Variants in GFPT2 observed in about 807,000 individuals in gnomAD.
The protein encoded by GFPT2 is glutamine--fructose-6-phosphate aminotransferase [isomerizing] 2.
GFPT2 carries 62 observed loss-of-function variants against 85.6 expected under a neutral mutation model. The ratio of observed to expected loss-of-function variants is 0.72; its 90% CI spans 0.59 to 0.90. The LOEUF (loss-of-function observed/expected upper bound fraction) is 0.90. Ranked by LOEUF, GFPT2 falls within the 40% of genes least tolerant of loss-of-function variation. The pLI, the probability that GFPT2 is intolerant of heterozygous loss-of-function variation, is 0.00. For synonymous variants in GFPT2, 368 were observed against 344.5 expected (o/e 1.07, Z -0.75); for missense variants, 788 against 893.4 (o/e 0.88, Z 1.50).
intron 1 of GFPT2, chr5:180,352,290 G>C (rs2127659678): frequency 2.5e-6 from 1 of 394,124 alleles, no homozygotes; most frequent in African/African-American, 2.2e-5. Context: ...AGTTCCTCCA[G>C]GTCCTCCAGC....
chr5:180,308,440 G>C (rs1344158001), intron 15 of GFPT2, among the ~76,000 whole-genome samples: 1 of 152,160 alleles, frequency 6.6e-6, no homozygotes, highest in African/African-American at 2.4e-5. Context: ...ATAAAAGACT[G>C]TTGACTCTAA....
chr5:180,314,809 G>A (rs1033553233), intron 13 of GFPT2, among the ~76,000 whole-genome samples: 2 of 152,190 alleles, frequency 1.3e-5, no homozygotes, highest in African/African-American at 2.4e-5. Flanking sequence ...CCTAGGGTTC[G>A]ATAGTGTTTT....
chr5:180,304,568 C>A (rs934447507), intron 17 of GFPT2, among the ~76,000 whole-genome samples: 3 of 152,234 alleles, frequency 2.0e-5, no homozygotes, highest in African/African-American at 7.2e-5. Context: ...CTGGGCCCCA[C>A]CAAAGAGCTG....
chr5:180,336,716 A>T, intron 2 of GFPT2, 139 bp from the exon 3 acceptor site: 1 of 700,970 alleles, frequency 1.4e-6, no homozygotes, highest in South Asian at 1.6e-5. Context: ...GTTTTCAGGA[A>T]ATCTGCTCTG....
intron 16 of GFPT2, among the ~76,000 whole-genome samples, chr5:180,306,364 G>T (rs1256183181): frequency 6.6e-6 from 1 of 152,182 alleles, no homozygotes. Context: ...TAATGCCCTC[G>T]TCTTGGTGGC....
In GFPT2 at chr5:180,328,623, C is replaced by T. The variant is rs1232232806; in HGVS notation, c.535-285G>A. Among the ~76,000 whole-genome samples the T allele has an allele frequency of 6.6e-6, 1 of 152,214 alleles. No individual in the cohort carries two copies. Among genetic ancestry groups the T allele is most frequent in the Non-Finnish European group, 1.5e-5 (1 of 68,042 alleles). On this transcript the variant is annotated intron_variant, in intron 6 of 18. Coordinates refer to ENST00000253778, the MANE Select transcript of GFPT2 (RefSeq NM_005110.4). The surrounding 1 kb of genome is among the most constrained non-coding windows in gnomAD (Gnocchi z 5.4). ...CCGGCAGGGGTGCCAGCTGGGTAGACGGGGCAGTGAGAGTCACAGGAAATG... is the reference window on the plus strand; with the variant it reads ...CCGGCAGGGGTGCCAGCTGGGTAGATGGGGCAGTGAGAGTCACAGGAAATG...
At position 180,318,607 on chromosome 5, in the gene GFPT2, A is replaced by G. The variant is rs2303009; in HGVS notation, c.958+186T>C. ...GCTGCACACAGGAGCCCCCGCTTGG[A>G]GGTGCCAGGCCAGCCTCCCCACATC... On this transcript the variant is annotated intron_variant, in intron 10 of 18. Coordinates refer to ENST00000253778, the MANE Select transcript of GFPT2 (RefSeq NM_005110.4). The surrounding 1 kb of genome is among the most constrained non-coding windows in gnomAD (Gnocchi z 4.2). 75,608 of 578,852 alleles carry G rather than the reference A, an allele frequency of 0.13. 6,068 individuals carry two copies. Among genetic ancestry groups the G allele is most frequent in the East Asian group, 0.32 (11,387 of 35,244 alleles). The allele number at this position is 578,852 out of a possible 1,614,324, so 35.9% of individuals were successfully genotyped here.
At chr5:180,306,065 A>G (rs1040708855) in intron 16 of GFPT2, among the ~76,000 whole-genome samples, 1 of 148,886 alleles carries the variant, frequency 6.7e-6, no homozygotes, top group African/African-American at 2.5e-5. Context: ...GCTCACTGCA[A>G]CCTCCTCCTC....
intron 1 of GFPT2, among the ~76,000 whole-genome samples, chr5:180,341,962 T>C (rs1008876818): frequency 2.0e-5 from 3 of 152,218 alleles, no homozygotes; most frequent in Non-Finnish European, 4.4e-5. Context: ...TCATCTTGAA[T>C]TGCAGCTCCC....
In GFPT2 at chr5:180,332,477, C is replaced by T. The variant is rs73349699; in HGVS notation, c.341-924G>A. 7.2e-3 allele frequency among the ~76,000 whole-genome samples: 1,095 copies of T among 152,226 alleles called. 12 individuals are homozygous for T. Among genetic ancestry groups the T allele is most frequent in the African/African-American group, 0.025 (1,042 of 41,528 alleles). On this transcript the variant is annotated intron_variant, in intron 4 of 18. Coordinates refer to ENST00000253778, the MANE Select transcript of GFPT2 (RefSeq NM_005110.4). Reference sequence around the variant, plus strand: ...CCAGGAGGTGTCTAGATGTGGGATACGCTTCATAAATATTGACTATTTTTT... The same window carrying T: ...CCAGGAGGTGTCTAGATGTGGGATATGCTTCATAAATATTGACTATTTTTT...
intron 14 of GFPT2, 106 bp from the exon 15 acceptor site, chr5:180,312,650 G>A (rs572555359): frequency 3.3e-4 from 214 of 655,550 alleles, no homozygotes; most frequent in Non-Finnish European, 4.7e-4. Flanking sequence ...GTGCAGTGGC[G>A]AGATCACGGC....
chr5:180,322,158 T>C (rs939329862), intron 9 of GFPT2, among the ~76,000 whole-genome samples: 1 of 152,184 alleles, frequency 6.6e-6, no homozygotes, highest in African/African-American at 2.4e-5. Flanking sequence ...AAAAATAACT[T>C]GTAATCATTA....
intron 15 of GFPT2, among the ~76,000 whole-genome samples, chr5:180,308,001 A>C (rs947020438): frequency 6.6e-6 from 1 of 152,206 alleles, no homozygotes; most frequent in African/African-American, 2.4e-5. Flanking sequence ...TCACGCCTGT[A>C]ATCCCAGCAC....
At chr5:180,350,392 T>A (rs1433685119) in intron 1 of GFPT2, among the ~76,000 whole-genome samples, 1 of 152,224 alleles carries the variant, frequency 6.6e-6, no homozygotes, top group Non-Finnish European at 1.5e-5. Flanking sequence ...AAAAGATGTC[T>A]GTCTTCCCTG....
chr5:180,340,637 G>C (rs1273705842), intron 1 of GFPT2, among the ~76,000 whole-genome samples: 1 of 150,668 alleles, frequency 6.6e-6, no homozygotes, highest in Non-Finnish European at 1.5e-5. Context: ...TCAGCCTCCC[G>C]AGTAGCTGGG....
intron 7 of GFPT2, among the ~76,000 whole-genome samples, chr5:180,325,125 C>T (rs1354766561): frequency 2.6e-5 from 4 of 152,164 alleles, no homozygotes; most frequent in Non-Finnish European, 5.9e-5. Context: ...GGTAACCTGT[C>T]TCACTCCCAC....
At chr5:180,326,371 C>T (rs555630419) in intron 7 of GFPT2, among the ~76,000 whole-genome samples, 1 of 152,250 alleles carries the variant, frequency 6.6e-6, no homozygotes, top group East Asian at 1.9e-4. Flanking sequence ...AACATTTTAC[C>T]TTAGGTGATT....
chr5:180,305,996 T>C (rs1763769999), intron 16 of GFPT2, among the ~76,000 whole-genome samples: 1 of 150,578 alleles, frequency 6.6e-6, no homozygotes, highest in Non-Finnish European at 1.5e-5. Context: ...TTTTTTTTTT[T>C]TCGTTGAGAT....
At chr5:180,302,321 T>C (rs1395771375) in intron 18 of GFPT2, 102 bp downstream of exon 18, 3 of 809,804 alleles carry the variant, frequency 3.7e-6, no homozygotes, top group Non-Finnish European at 3.7e-6. Context: ...TTAAATAAAA[T>C]TATTTACTCT....
Sources: allele counts gnomAD v4.1 joint callset (sites outside exome capture counted in the v4.1 genomes callset), GRCh38; gene constraint gnomAD v4.1.1; non-coding constraint Gnocchi (gnomAD v3.1); transcripts MANE v1.5; gene names NCBI Gene and HGNC (gene_info 2026-07-23, HGNC 2026-07-21).